Variants in PTK2 observed in about 807,000 individuals in gnomAD.
PTK2 encodes the protein protein tyrosine kinase 2.
Under a neutral mutation model 150.1 loss-of-function variants are expected in PTK2, and 45 were observed. That is an observed-to-expected ratio of 0.30 (90% CI 0.24 to 0.38). The LOEUF (loss-of-function observed/expected upper bound fraction) is 0.38. Among genes scored for constraint, PTK2 ranks in the 10% least tolerant of loss-of-function variants. The pLI is 1.00. For missense variants in PTK2, 919 were observed against 1,307.3 expected (o/e 0.70, Z 4.58); for synonymous variants, 432 against 449.2 (o/e 0.96, Z 0.48).
chr8:140,810,956 AC>A (rs1370562250), intron 10 of PTK2, among the ~76,000 whole-genome samples: 1 of 145,946 alleles, frequency 6.9e-6, no homozygotes, highest in Non-Finnish European at 1.5e-5. Context: ...CCAACAGGCA[AC>A]CCCCCACCCA....
chr8:140,703,017 T>C (rs80268886), intron 24 of PTK2, among the ~76,000 whole-genome samples: 2 of 152,086 alleles, frequency 1.3e-5, no homozygotes, highest in East Asian at 1.9e-4. Flanking sequence ...GGAGGGACAA[T>C]GGGACCACTG....
At chr8:140,939,248 A>G (rs1423129994) in intron 1 of PTK2, among the ~76,000 whole-genome samples, 2 of 152,226 alleles carry the variant, frequency 1.3e-5, no homozygotes, top group Non-Finnish European at 2.9e-5. Context: ...CGAAAAAACT[A>G]TACATTTTAT....
intron 3 of PTK2, among the ~76,000 whole-genome samples, chr8:140,888,402 G>C (rs1409546697): frequency 1.3e-5 from 2 of 152,158 alleles, no homozygotes; most frequent in African/African-American, 4.8e-5. Context: ...CCCAGGAAAG[G>C]GCTATGGTGA....
intron 2 of PTK2, among the ~76,000 whole-genome samples, chr8:140,900,654 G>C (rs1391506317): frequency 6.6e-6 from 1 of 151,926 alleles, no homozygotes; most frequent in Non-Finnish European, 1.5e-5. Flanking sequence ...CCCGGGAGGT[G>C]GGGGATGCAG....
At chr8:140,688,201 C>CA (rs1224717686) in intron 26 of PTK2, among the ~76,000 whole-genome samples, 2 of 152,150 alleles carry the variant, frequency 1.3e-5, no homozygotes, top group African/African-American at 2.4e-5. Flanking sequence ...GCAAAAGTCA[C>CA]AACTTACTTA....
At chr8:140,686,810 G>T (rs932655443) in intron 26 of PTK2, 116 bp from the exon 30 acceptor site, 2 of 913,000 alleles carry the variant, frequency 2.2e-6, no homozygotes, top group Non-Finnish European at 3.3e-6. Context: ...AAGAAGAGTT[G>T]AAAGTTCCCC....
intron 20 of PTK2, among the ~76,000 whole-genome samples, chr8:140,740,492 A>G (rs901525568): frequency 1.3e-5 from 2 of 152,244 alleles, no homozygotes; most frequent in Non-Finnish European, 2.9e-5. Flanking sequence ...GAAGACTATC[A>G]GAATTCCTAG....
intron 4 of PTK2, among the ~76,000 whole-genome samples, chr8:140,866,386 A>T (rs1186232965): frequency 6.6e-6 from 1 of 152,186 alleles, no homozygotes; most frequent in African/African-American, 2.4e-5. Flanking sequence ...GGTGATCATC[A>T]ACTAACATTT....
chr8:140,828,213 A>C (rs1485166664), intron 8 of PTK2, among the ~76,000 whole-genome samples: 1 of 152,134 alleles, frequency 6.6e-6, no homozygotes, highest in Non-Finnish European at 1.5e-5. Flanking sequence ...TTAAGATACT[A>C]AACAGGGTCC....
At chr8:140,710,226 A>C (rs2100036025) in intron 23 of PTK2, among the ~76,000 whole-genome samples, 1 of 151,548 alleles carries the variant, frequency 6.6e-6, no homozygotes, top group Admixed American at 6.6e-5. Flanking sequence ...GCTACTCAGG[A>C]GGCAGAGGCT....
chr8:140,674,971 T>C (rs1362539866), intron 28 of PTK2, among the ~76,000 whole-genome samples: 1 of 150,604 alleles, frequency 6.6e-6, no homozygotes, highest in Non-Finnish European at 1.5e-5. Flanking sequence ...CTCGGGAGGC[T>C]GAGGCAGGAG....
chr8:140,798,081 T>C (rs1049316739), intron 12 of PTK2, among the ~76,000 whole-genome samples: 2 of 152,202 alleles, frequency 1.3e-5, no homozygotes, highest in Admixed American at 1.3e-4. Flanking sequence ...ATGTTATGCA[T>C]ATACATGTAT....
chr8:140,740,749 T>C (rs1343306421), intron 20 of PTK2, among the ~76,000 whole-genome samples: 1 of 152,204 alleles, frequency 6.6e-6, no homozygotes, highest in Non-Finnish European at 1.5e-5. Flanking sequence ...TATTTAGAAA[T>C]AATGAAAAGT....
At chr8:140,759,530 TAAAAAAAAAA>T (rs761643170) in intron 16 of PTK2, among the ~76,000 whole-genome samples, 6 of 58,074 alleles carry the variant, frequency 1.0e-4, no homozygotes, top group African/African-American at 3.2e-4. Context: ...GACCCTGTCC[TAAAAAAAAAA>T]AAAAAAAAAA....
intron 2 of PTK2, among the ~76,000 whole-genome samples, chr8:140,924,391 T>C (rs1228717665): frequency 3.3e-5 from 5 of 152,176 alleles, no homozygotes; most frequent in Admixed American, 2.0e-4. Context: ...ATTCAGTTTA[T>C]TGTTTGGCTA....
At chr8:140,892,968 C>A (rs1355785289) in intron 2 of PTK2, among the ~76,000 whole-genome samples, 1 of 152,128 alleles carries the variant, frequency 6.6e-6, no homozygotes, top group South Asian at 2.1e-4. Flanking sequence ...ATGGAGTTAC[C>A]ACATGAACCA....
At chr8:140,794,635 GA>G (rs756992133) in intron 12 of PTK2, among the ~76,000 whole-genome samples, 1 of 152,068 alleles carries the variant, frequency 6.6e-6, no homozygotes, top group Non-Finnish European at 1.5e-5. Flanking sequence ...TGGGCCTCCC[GA>G]ACCTTGTACT....
chr8:140,697,845 GTTTA>G (rs1158855912), intron 26 of PTK2, among the ~76,000 whole-genome samples: 1 of 137,188 alleles, frequency 7.3e-6, no homozygotes, highest in Non-Finnish European at 1.5e-5. Context: ...TCCCTTTAGG[GTTTA>G]CTGTTTTTTT....
At chr8:140,967,318 A>T (rs2100185632) in intron 1 of PTK2, among the ~76,000 whole-genome samples, 1 of 152,200 alleles carries the variant, frequency 6.6e-6, no homozygotes, top group Non-Finnish European at 1.5e-5. Context: ...ACAGCTGAGT[A>T]ATGTTCAATA....
Sources: gnomAD v4.1 joint callset for allele counts (sites outside exome capture counted in the v4.1 genomes callset) on GRCh38, gnomAD v4.1.1 for gene constraint, MANE v1.5 for transcripts, NCBI Gene and HGNC (gene_info 2026-07-23, HGNC 2026-07-21) for gene names.